MRPL19: variants seen among roughly 807,000 people sequenced by gnomAD.
The protein encoded by MRPL19 is mitochondrial ribosomal protein L19.
MRPL19 carries 31 observed loss-of-function variants against 34.0 expected under a neutral mutation model. That is an observed-to-expected ratio of 0.91 (90% CI 0.68 to 1.23). MRPL19 has a LOEUF of 1.23. MRPL19 is among the 50% of genes most tolerant of loss of function. The pLI is 0.00. For missense variants in MRPL19, 384 were observed against 367.6 expected (o/e 1.04, Z -0.37); for synonymous variants, 152 against 127.7 (o/e 1.19, Z -1.28).
rs1244901561 is a variant in MRPL19 at position 75,660,904 on chromosome 2, T to C, written c.*5619T>C. On this transcript the variant is annotated 3_prime_UTR_variant, in exon 6 of 6. Transcript: ENST00000393909. ...TTCCCAAAGAAACTCCTTTGCAGCTTTTTCTCACAGAACATAGATGGTTTT... is the reference window on the plus strand; with the variant it reads ...TTCCCAAAGAAACTCCTTTGCAGCTCTTTCTCACAGAACATAGATGGTTTT... The C allele has an allele frequency of 2.0e-5, 3 of 152,234 alleles. No individual in the cohort carries two copies. Among genetic ancestry groups the C allele is most frequent in the African/African-American group, 7.2e-5 (3 of 41,466 alleles). The allele number at this position is 152,234 out of a possible 1,614,324, so 9.4% of individuals were successfully genotyped here.
rs1188904829 is a variant in MRPL19 at position 75,654,741 on chromosome 2, G to A, written c.481G>A (p.Glu161Lys). 5.6e-6 allele frequency: 9 copies of A among 1,613,312 alleles called. No homozygotes were observed. The highest frequency in any genetic ancestry group is 1.3e-5 in the African/African-American group (1 of 74,850). Reference protein sequence around the residue: ...LRNVIEGQGVEICFELYNPRV... With the variant: ...LRNVIEGQGVKICFELYNPRV... ...ATGTTTTCTGTTCTATTTAGGTGTC[G>A]AGATTTGCTTTGAACTTTATAATCC... Residue 161 changes from glutamate (E) to lysine (K), a missense_variant, in exon 5 of 6, where the codon GAG (glutamate) becomes AAG (lysine). By Grantham distance (56) the Glu-to-Lys change is moderately conservative (BLOSUM62 1). Transcript: ENST00000393909.
rs1050414573 is a variant in MRPL19 at position 75,655,626 on chromosome 2, C to A, written c.*341C>A. 5.6e-6 allele frequency: 1 copy of A among 177,104 alleles called. No homozygotes were observed. The highest frequency in any genetic ancestry group is 1.2e-5 in the Non-Finnish European group (1 of 85,248). 11.0% of individuals were successfully genotyped at this position (177,104 alleles called of 1,614,324 possible). On this transcript the variant is annotated 3_prime_UTR_variant, in exon 6 of 6. Coordinates refer to ENST00000393909, the MANE Select transcript of MRPL19 (RefSeq NM_014763.4). The stretch of plus-strand genomic sequence containing the variant: ...TTAATTGTGAAACAATTCATAAGCA[C>A]AATATGATTTACAGAATAATAAACA...
At position 75,658,730 on chromosome 2, in the gene MRPL19, T is replaced by C. The variant is rs1221684744; in HGVS notation, c.*3445T>C. Among the ~76,000 whole-genome samples the C allele has an allele frequency of 6.6e-6, 1 of 152,156 alleles. No individual in the cohort carries two copies. On this transcript the variant is annotated 3_prime_UTR_variant, in exon 6 of 6. Coordinates refer to ENST00000393909, the MANE Select transcript of MRPL19 (RefSeq NM_014763.4). ...GGTGTGTGGCCTGATAGATGGTCTG[T>C]CCTGGAGAATGTTCCTCATACACTT... is the stretch of plus-strand genomic sequence containing the variant.
At chr2:75,647,027 T>G (rs955664961) in intron 1 of MRPL19, 75 bp from the exon 2 acceptor site, 8 of 1,491,024 alleles carry the variant, frequency 5.4e-6, no homozygotes, top group Non-Finnish European at 7.2e-6. Flanking sequence ...GACGCCGGGT[T>G]GGGGGAGATT....
chr2:75,655,056 T>C lies in MRPL19; in HGVS notation c.658-8T>C. 6.9e-7 allele frequency: 1 copy of C among 1,459,386 alleles called. No homozygotes were observed. Among genetic ancestry groups the C allele is most frequent in the African/African-American group, 1.5e-5 (1 of 68,718 alleles). The allele number at this position is 1,459,386 out of a possible 1,614,324, so 90.4% of individuals were successfully genotyped here. On this transcript the variant is annotated splice_region_variant and splice_polypyrimidine_tract_variant and intron_variant, in intron 5 of 5. Transcript: ENST00000393909. ...TTTTTTTTTTTTTTTTTTTTTAATCTTCCTTAGCTGAAAGTAAAAATGAAG... is the reference window on the plus strand; with the variant it reads ...TTTTTTTTTTTTTTTTTTTTTAATCCTCCTTAGCTGAAAGTAAAAATGAAG...
intron 4 of MRPL19, 135 bp downstream of exon 4, chr2:75,652,792 CT>C: frequency 1.1e-6 from 1 of 916,024 alleles, no homozygotes; most frequent in Non-Finnish European, 1.6e-6. Context: ...GAGCCTGTGG[CT>C]TTAGAATGGA....
At chr2:75,654,227 A>G (rs76840351) in intron 4 of MRPL19, among the ~76,000 whole-genome samples, 10 of 152,272 alleles carry the variant, frequency 6.6e-5, no homozygotes, top group African/African-American at 2.4e-4. Context: ...GTGCCCTCAC[A>G]TGGTGAAAGG....
rs1160014714 is a variant in MRPL19 at position 75,661,311 on chromosome 2, G to T, written c.*6026G>T. The T allele has an allele frequency of 6.6e-6, 1 of 152,140 alleles. No homozygotes were observed. The highest frequency in any genetic ancestry group is 1.5e-5 in the Non-Finnish European group (1 of 68,036). The allele number at this position is 152,140 out of a possible 1,614,324, so 9.4% of individuals were successfully genotyped here. A position where few individuals can be genotyped will look rare whatever the true frequency, so the allele number is the denominator to read the frequency against. ...AGTTCTGATAAAATTGGCTATGCCT[G>T]TTCCTGCTTTAAAAAATATATATAT... On this transcript the variant is annotated 3_prime_UTR_variant, in exon 6 of 6. Coordinates refer to ENST00000393909, the MANE Select transcript of MRPL19 (RefSeq NM_014763.4).
chr2:75,652,178 A>G lies in MRPL19; in HGVS notation c.258A>G (p.Arg86=). Residue 86 remains arginine, a synonymous_variant, in exon 3 of 6, where the codon AGA becomes AGG. Coordinates refer to ENST00000393909, the MANE Select transcript of MRPL19 (RefSeq NM_014763.4). ...LSPEFIPRRG[R]TDPLKFQIER... is the part of the protein sequence containing the mutation. Reference sequence around the variant, plus strand: ...CTGAATTCATTCCTCGAAGGGGAAGAACAGATCCTCTGAAATTTCAAATAG... The same window carrying G: ...CTGAATTCATTCCTCGAAGGGGAAGGACAGATCCTCTGAAATTTCAAATAG... The G allele has an allele frequency of 1.2e-6, 2 of 1,604,148 alleles. No individual in the cohort carries two copies. Among genetic ancestry groups the G allele is most frequent in the South Asian group, 1.1e-5 (1 of 89,774 alleles).
chr2:75,653,208 C>G (rs551281917), intron 4 of MRPL19, among the ~76,000 whole-genome samples: 6 of 152,138 alleles, frequency 3.9e-5, no homozygotes, highest in African/African-American at 1.4e-4. Context: ...GGAACAATTA[C>G]GTTTATCAAG....
intron 4 of MRPL19, among the ~76,000 whole-genome samples, chr2:75,653,070 C>T (rs1573027813): frequency 1.3e-5 from 2 of 151,996 alleles, no homozygotes; most frequent in Admixed American, 1.3e-4. Flanking sequence ...TGTTATGACA[C>T]AAAACAAAAT....
rs1248997275 is a variant in MRPL19, at chr2:75,652,594, A to C, written c.412A>C (p.Ile138Leu). 1 of 1,613,920 alleles carries C rather than the reference A, an allele frequency of 6.2e-7. No homozygotes were observed. The highest frequency in any genetic ancestry group is 1.7e-5 in the Admixed American group (1 of 60,026). Reference sequence around the variant, plus strand: ...AATCAGCCAGTTTCTGGGGATTTGCATTCAGAGATCAGGAAGAGGACTTGG... The same window carrying C: ...AATCAGCCAGTTTCTGGGGATTTGCCTTCAGAGATCAGGAAGAGGACTTGG... ...GKISQFLGICIQRSGRGLGAT... is the reference protein window; with the variant it reads ...GKISQFLGICLQRSGRGLGAT... Residue 138 changes from isoleucine to leucine, a missense_variant, in exon 4 of 6, where the codon ATT (isoleucine) becomes CTT (leucine). Physicochemically the swap from Ile to Leu is conservative, Grantham distance 5. Transcript: ENST00000393909.
intron 2 of MRPL19, among the ~76,000 whole-genome samples, chr2:75,647,987 G>C (rs912793645): frequency 4.0e-5 from 6 of 151,882 alleles, no homozygotes; most frequent in Non-Finnish European, 8.8e-5. Flanking sequence ...CTGGGCTCAA[G>C]TGATCCTCCC....
Position 75,659,083 on chromosome 2 carries a change from C to A in MRPL19, c.*3798C>A, listed in dbSNP as rs1393473031. On this transcript the variant is annotated 3_prime_UTR_variant, in exon 6 of 6. Coordinates refer to ENST00000393909, the MANE Select transcript of MRPL19 (RefSeq NM_014763.4). ...TTCTATATGTCATATACTTTTTTGG[C>A]CCCTCATTTCCTCTTTATGGCCTTC... 1.8e-4 allele frequency among the ~76,000 whole-genome samples: 25 copies of A among 138,964 alleles called. No individual in the cohort carries two copies. In the Admixed American group the frequency reaches 1.8e-3, roughly 10 times the overall value. 91.2% of individuals were successfully genotyped at this position (138,964 alleles called of 152,430 possible). A position where few individuals can be genotyped will look rare whatever the true frequency, so the allele number is the denominator to read the frequency against.
rs1678508917 is a variant in MRPL19, at chr2:75,658,247, G to C, written c.*2962G>C. ...CCTGGCTGATTTTGTTTTTTGTAGA[G>C]ATGTGGTCTTGCTATGTTTCCCATG... On this transcript the variant is annotated 3_prime_UTR_variant, in exon 6 of 6. Transcript: ENST00000393909. Among the ~76,000 whole-genome samples, 1 of 152,100 alleles carries C rather than the reference G, an allele frequency of 6.6e-6. No homozygotes were observed. Among genetic ancestry groups the C allele is most frequent in the African/African-American group, 2.4e-5 (1 of 41,418 alleles).
rs1331253055 is a variant in MRPL19, at chr2:75,657,139, A to G, written c.*1854A>G. 6.6e-6 allele frequency: 1 copy of G among 150,990 alleles called. No individual in the cohort carries two copies. Among genetic ancestry groups the G allele is most frequent in the African/African-American group, 2.4e-5 (1 of 41,046 alleles). The allele number at this position is 150,990 out of a possible 1,614,324, so 9.4% of individuals were successfully genotyped here. A position where few individuals can be genotyped will look rare whatever the true frequency, so the allele number is the denominator to read the frequency against. The stretch of plus-strand genomic sequence containing the variant: ...CTATTTCCTCCAAATTTCTTTCTGT[A>G]TTTATTTTTTGTTGTCTATATTTCA... On this transcript the variant is annotated 3_prime_UTR_variant, in exon 6 of 6. Coordinates refer to ENST00000393909, the MANE Select transcript of MRPL19 (RefSeq NM_014763.4).
In MRPL19 at chr2:75,656,486, C is replaced by G. The variant is rs1328968111; in HGVS notation, c.*1201C>G. The G allele has an allele frequency of 2.0e-5, 3 of 152,104 alleles. No individual in the cohort carries two copies. In the East Asian group the frequency reaches 5.8e-4, roughly 29 times the overall value. 9.4% of individuals were successfully genotyped at this position (152,104 alleles called of 1,614,324 possible). On this transcript the variant is annotated 3_prime_UTR_variant, in exon 6 of 6. Transcript: ENST00000393909. ...TCCATGTTTTCCATTTTATTGAGTA[C>G]TAACTTGTTTTGCTGCAGCACATCC...
intron 1 of MRPL19, 75 bp downstream of exon 1, chr2:75,646,985 TC>T: frequency 6.7e-7 from 1 of 1,487,498 alleles, no homozygotes; most frequent in Admixed American, 2.2e-5. Context: ...AACCTGGAGA[TC>T]AGAGGCAACC....
At chr2:75,648,452 A>G (rs1048566241) in intron 2 of MRPL19, among the ~76,000 whole-genome samples, 1 of 152,248 alleles carries the variant, frequency 6.6e-6, no homozygotes, top group African/African-American at 2.4e-5. Context: ...ATTGTATAGC[A>G]GTGAAAAATG....
Sources: gnomAD v4.1 joint callset for allele counts (sites outside exome capture counted in the v4.1 genomes callset) on GRCh38, gnomAD v4.1.1 for gene constraint, MANE v1.5 for transcripts, NCBI Gene and HGNC (gene_info 2026-07-23, HGNC 2026-07-21) for gene names.